Variants in EYA4 observed in about 807,000 individuals in gnomAD.
The protein encoded by EYA4 is protein phosphatase EYA4.
EYA4 carries 31 observed loss-of-function variants against 87.9 expected under a neutral mutation model. That is an observed-to-expected ratio of 0.35 (90% CI 0.27 to 0.48). The LOEUF is 0.48. EYA4 is among the 20% of genes least tolerant of loss of function. EYA4 has a pLI of 0.99. For missense variants in EYA4, 678 were observed against 761.4 expected (o/e 0.89, Z 1.29); for synonymous variants, 263 against 270.6 (o/e 0.97, Z 0.28).
intron 2 of EYA4, among the ~76,000 whole-genome samples, chr6:133,340,166 T>A (rs1245332548): frequency 6.6e-6 from 1 of 152,194 alleles, no homozygotes; most frequent in Non-Finnish European, 1.5e-5. Context: ...TATATAGGCT[T>A]AATGTGTTAA....
chr6:133,510,772 A>G (rs1799074783), intron 14 of EYA4: 2 of 155,694 alleles, frequency 1.3e-5, no homozygotes, highest in Non-Finnish European at 2.8e-5. Context: ...TACTCTCCTC[A>G]CCATTTAGAA....
intron 3 of EYA4, among the ~76,000 whole-genome samples, chr6:133,433,027 T>C (rs925815377): frequency 2.0e-5 from 3 of 152,230 alleles, no homozygotes; most frequent in Non-Finnish European, 4.4e-5. Context: ...CTAATCCATA[T>C]TGTTATCTAA....
intron 9 of EYA4, among the ~76,000 whole-genome samples, chr6:133,463,558 A>C (rs1443990560): frequency 6.6e-6 from 1 of 151,872 alleles, no homozygotes; most frequent in African/African-American, 2.4e-5. Flanking sequence ...ACGGGGTTTC[A>C]CCATGTTGAT....
At chr6:133,403,888 A>G (rs1788471807) in intron 3 of EYA4, among the ~76,000 whole-genome samples, 1 of 150,700 alleles carries the variant, frequency 6.6e-6, no homozygotes, top group Non-Finnish European at 1.5e-5. Flanking sequence ...TTGGCTCACC[A>G]CAACCTCTGC....
chr6:133,374,376 A>G (rs1785506850), intron 2 of EYA4, among the ~76,000 whole-genome samples: 1 of 152,006 alleles, frequency 6.6e-6, no homozygotes, highest in South Asian at 2.1e-4. Context: ...AGGCCCTCGC[A>G]TTAAAGGCCA....
intron 3 of EYA4, among the ~76,000 whole-genome samples, chr6:133,406,852 T>C (rs1456096586): frequency 6.6e-6 from 1 of 152,180 alleles, no homozygotes; most frequent in Non-Finnish European, 1.5e-5. Flanking sequence ...TCTATAGGTT[T>C]TCGAGTGTAA....
intron 11 of EYA4, among the ~76,000 whole-genome samples, chr6:133,474,233 C>T (rs1218193676): frequency 1.3e-5 from 2 of 151,914 alleles, no homozygotes; most frequent in East Asian, 1.9e-4. Context: ...TACTCAGATA[C>T]GGTATATGCT....
At chr6:133,351,653 T>A (rs1783650549) in intron 2 of EYA4, among the ~76,000 whole-genome samples, 1 of 152,228 alleles carries the variant, frequency 6.6e-6, no homozygotes, top group Admixed American at 6.5e-5. Context: ...ACTGCCTTTG[T>A]CTAACATCTA....
chr6:133,369,691 T>A (rs2128461272), intron 2 of EYA4, among the ~76,000 whole-genome samples: 1 of 152,336 alleles, frequency 6.6e-6, no homozygotes, highest in Admixed American at 6.5e-5. Flanking sequence ...TCCTTATTGA[T>A]ATTAACTTGC....
chr6:133,289,382 C>T (rs1382013863), intron 2 of EYA4, among the ~76,000 whole-genome samples: 2 of 152,132 alleles, frequency 1.3e-5, no homozygotes, highest in African/African-American at 4.8e-5. Flanking sequence ...TTTGCAGTAG[C>T]CATTGTTATA....
intron 2 of EYA4, among the ~76,000 whole-genome samples, chr6:133,368,322 C>T (rs1785008785): frequency 6.6e-6 from 1 of 152,096 alleles, no homozygotes; most frequent in Non-Finnish European, 1.5e-5. Flanking sequence ...AATTACAATC[C>T]ACCCAGGCTT....
At chr6:133,417,686 A>G (rs1789851944) in intron 3 of EYA4, among the ~76,000 whole-genome samples, 1 of 143,582 alleles carries the variant, frequency 7.0e-6, no homozygotes, top group Admixed American at 6.7e-5. Flanking sequence ...TAATAAAAAC[A>G]AAACAAAACA....
At chr6:133,326,655 G>A (rs891654429) in intron 2 of EYA4, among the ~76,000 whole-genome samples, 5 of 152,190 alleles carry the variant, frequency 3.3e-5, no homozygotes, top group African/African-American at 1.2e-4. Context: ...GGGTTCACAG[G>A]CCTTTCTTCC....
intron 3 of EYA4, among the ~76,000 whole-genome samples, chr6:133,436,090 G>A (rs181770351): frequency 1.4e-4 from 22 of 152,208 alleles, no homozygotes; most frequent in Middle Eastern, 3.4e-3. Flanking sequence ...GTGGTGGCAC[G>A]TGCCTATAAT....
At chr6:133,355,356 AT>A (rs1783935027) in intron 2 of EYA4, among the ~76,000 whole-genome samples, 2 of 152,192 alleles carry the variant, frequency 1.3e-5, no homozygotes, top group Admixed American at 6.5e-5. Flanking sequence ...AATATAAATC[AT>A]TCTGTTATAA....
intron 3 of EYA4, among the ~76,000 whole-genome samples, chr6:133,422,958 C>T (rs982751042): frequency 2.0e-5 from 3 of 152,270 alleles, no homozygotes; most frequent in Non-Finnish European, 4.4e-5. Flanking sequence ...CTCTACCCAC[C>T]TTGCCCACTC....
chr6:133,335,301 G>T (rs957527759), intron 2 of EYA4, among the ~76,000 whole-genome samples: 1 of 152,162 alleles, frequency 6.6e-6, no homozygotes, highest in African/African-American at 2.4e-5. Flanking sequence ...GACTTTGATT[G>T]CTAGTTTATA....
At chr6:133,278,187 C>A (rs1777333750) in intron 2 of EYA4, among the ~76,000 whole-genome samples, 2 of 151,968 alleles carry the variant, frequency 1.3e-5, no homozygotes, top group African/African-American at 4.8e-5. Context: ...GCTTTAATAT[C>A]TTCCCAGAAG....
intron 3 of EYA4, among the ~76,000 whole-genome samples, chr6:133,405,310 G>A (rs1378683250): frequency 1.3e-5 from 2 of 152,098 alleles, no homozygotes; most frequent in Non-Finnish European, 2.9e-5. Flanking sequence ...ACATCTTGTG[G>A]CAACATCCTT....
Sources: gnomAD v4.1 joint callset for allele counts (sites outside exome capture counted in the v4.1 genomes callset) on GRCh38, gnomAD v4.1.1 for gene constraint, MANE v1.5 for transcripts, NCBI Gene and HGNC (gene_info 2026-07-23, HGNC 2026-07-21) for gene names.